IQUB: variants seen among roughly 807,000 people sequenced by gnomAD.
IQUB encodes IQ motif and ubiquitin-like domain-containing protein.
IQUB carries 86 observed loss-of-function variants against 86.4 expected under a neutral mutation model. That is an observed-to-expected ratio of 1.00 (90% confidence interval 0.84 to 1.19). The LOEUF (loss-of-function observed/expected upper bound fraction) is 1.19. IQUB is among the 50% of genes most tolerant of loss of function. IQUB has a pLI of 0.00. For missense variants in IQUB, 946 were observed against 916.9 expected, an observed-to-expected ratio of 1.03 and a Z score of -0.41; for synonymous variants, 289 against 304.5, an observed-to-expected ratio of 0.95 and a Z score of 0.53.
At position 123,464,880 on chromosome 7, in the gene IQUB, A is replaced by C; in HGVS notation, c.1711T>G (p.Tyr571Asp). Residue 571 changes from tyrosine (Y) to aspartate (D), a missense_variant, in exon 10 of 13, where the codon TAT (tyrosine) becomes GAT (aspartate). By Grantham distance (160) the Tyr-to-Asp change is radical. Coordinates refer to ENST00000324698, the MANE Select transcript of IQUB (RefSeq NM_178827.5). Reference sequence around the variant, plus strand: ...GGATTAAACAGAGGTGTTTTGATATAATGAAAAAAGAGTGTCGCAATTCTT... The same window carrying C: ...GGATTAAACAGAGGTGTTTTGATATCATGAAAAAAGAGTGTCGCAATTCTT... ...RKRIATLFFH[Y>D]IKTPLFNPEV... 1 of 1,605,496 alleles carries C rather than the reference A, an allele frequency of 6.2e-7. No individual in the cohort carries two copies. The highest frequency in any genetic ancestry group is 8.5e-7 in the Non-Finnish European group (1 of 1,176,712).
At position 123,528,307 on chromosome 7, in the gene IQUB, G is replaced by T. The variant is rs146306948; in HGVS notation, c.-5+6185C>A. Among the ~76,000 whole-genome samples the T allele has an allele frequency of 1.2e-4, 18 of 152,272 alleles. No individual in the cohort carries two copies. In the East Asian group the frequency reaches 3.5e-3, roughly 29 times the overall value. ...CGCTCACGCTGGGAGCTGTTGACCA[G>T]AGCTATTCCTATTTGGACATCTTGA... On this transcript the variant is annotated intron_variant, in intron 1 of 12. Coordinates refer to ENST00000324698, the MANE Select transcript of IQUB (RefSeq NM_178827.5).
intron 7 of IQUB, among the ~76,000 whole-genome samples, chr7:123,482,915 A>G (rs1031104452): frequency 2.0e-5 from 3 of 152,130 alleles, no homozygotes; most frequent in African/African-American, 7.2e-5. Context: ...CTCCACAGAC[A>G]TGAAAGCAAA....
At chr7:123,531,432 A>G (rs1352813392) in intron 1 of IQUB, among the ~76,000 whole-genome samples, 6 of 152,296 alleles carry the variant, frequency 3.9e-5, no homozygotes, top group African/African-American at 1.4e-4. Flanking sequence ...AAAAAACCGT[A>G]AAACATAATG....
intron 7 of IQUB, among the ~76,000 whole-genome samples, chr7:123,488,253 A>C (rs1441003943): frequency 6.6e-6 from 1 of 150,680 alleles, no homozygotes; most frequent in East Asian, 2.0e-4. Flanking sequence ...AGGCAGGAGA[A>C]TGGTGTGAAC....
intron 7 of IQUB, among the ~76,000 whole-genome samples, chr7:123,491,602 CT>C (rs1795468043): frequency 6.6e-6 from 1 of 152,094 alleles, no homozygotes; most frequent in South Asian, 2.1e-4. Flanking sequence ...TTACCAATTC[CT>C]TTAAAGACAA....
chr7:123,464,289 A>C (rs370747610), intron 10 of IQUB, among the ~76,000 whole-genome samples: 93 of 152,002 alleles, frequency 6.1e-4, no homozygotes, highest in African/African-American at 2.1e-3. Context: ...AGATAGTGTA[A>C]TTCAAATATG....
intron 1 of IQUB, among the ~76,000 whole-genome samples, chr7:123,520,741 G>A (rs1796866506): frequency 6.6e-6 from 1 of 152,074 alleles, no homozygotes; most frequent in South Asian, 2.1e-4. Flanking sequence ...GAGTCTACTG[G>A]AATCTATTGT....
At chr7:123,533,677 T>G (rs978914042) in intron 1 of IQUB, among the ~76,000 whole-genome samples, 1 of 152,202 alleles carries the variant, frequency 6.6e-6, no homozygotes, top group African/African-American at 2.4e-5. Flanking sequence ...CACACAGTCT[T>G]AAGTGTAAAA....
intron 9 of IQUB, among the ~76,000 whole-genome samples, chr7:123,468,950 G>A (rs1309791823): frequency 2.0e-5 from 3 of 152,018 alleles, no homozygotes; most frequent in Non-Finnish European, 2.9e-5. Context: ...GATTATAATT[G>A]CTGTTTATGT....
Position 123,464,888 on chromosome 7 carries a change from AAG to A in IQUB, c.1701_1702del (p.Phe569SerfsTer9), listed in dbSNP as rs1211468474. 2 of 1,606,950 alleles carry A rather than the reference AAG, an allele frequency of 1.2e-6. No individual in the cohort carries two copies. The highest frequency in any genetic ancestry group is 1.3e-5 in the African/African-American group (1 of 74,496). On this transcript the variant is annotated frameshift_variant, in exon 10 of 13. Coordinates refer to ENST00000324698, the MANE Select transcript of IQUB (RefSeq NM_178827.5). LOFTEE classifies it high-confidence loss of function. The stretch of plus-strand genomic sequence containing the variant: ...CAGAGGTGTTTTGATATAATGAAAA[AAG>A]AGTGTCGCAATTCTTTTTCTGAGTC...
At chr7:123,500,723 A>C (rs1343694814) in intron 6 of IQUB, among the ~76,000 whole-genome samples, 1 of 152,250 alleles carries the variant, frequency 6.6e-6, no homozygotes, top group East Asian at 1.9e-4. Flanking sequence ...TCTATGGGGC[A>C]AATCTATTTG....
intron 12 of IQUB, among the ~76,000 whole-genome samples, chr7:123,456,043 T>C (rs533835073): frequency 5.3e-5 from 8 of 152,262 alleles, no homozygotes; most frequent in African/African-American, 1.9e-4. Context: ...AGATATAAAC[T>C]ACTCTTTAAC....
At position 123,490,568 on chromosome 7, in the gene IQUB, A is replaced by G. The variant is rs10240606; in HGVS notation, c.1234+6128T>C. On this transcript the variant is annotated intron_variant, in intron 7 of 12. Coordinates refer to ENST00000324698, the MANE Select transcript of IQUB (RefSeq NM_178827.5). ...ATCTAATGGCCATTTATTGATCACT[A>G]CACCCAACCATAATAGAATGCAAAT... is the stretch of plus-strand genomic sequence containing the variant. Among the ~76,000 whole-genome samples the G allele has an allele frequency of 5.4e-3, 816 of 152,340 alleles. 4 individuals are homozygous for G. Among genetic ancestry groups the G allele is most frequent in the African/African-American group, 0.018 (756 of 41,572 alleles).
Position 123,452,692 on chromosome 7 carries a change from C to G in IQUB, c.*51G>C. 7.8e-7 allele frequency: 1 copy of G among 1,282,178 alleles called. No individual in the cohort carries two copies. The highest frequency in any genetic ancestry group is 1.1e-6 in the Non-Finnish European group (1 of 893,586). The allele number at this position is 1,282,178 out of a possible 1,614,324, so 79.4% of individuals were successfully genotyped here. ...CATACTCTGTGACCTCTGTATTACC[C>G]TATTAGCAGTGAACAAAATGCCGAT... On this transcript the variant is annotated 3_prime_UTR_variant, in exon 13 of 13. Transcript: ENST00000324698.
chr7:123,494,332 T>A (rs1795619711), intron 7 of IQUB, among the ~76,000 whole-genome samples: 1 of 152,128 alleles, frequency 6.6e-6, no homozygotes, highest in Non-Finnish European at 1.5e-5. Flanking sequence ...AAAGTTAAGT[T>A]TCATATTATG....
intron 3 of IQUB, among the ~76,000 whole-genome samples, 174 bp from the exon 4 acceptor site, chr7:123,503,537 T>C (rs1796045467): frequency 6.6e-6 from 1 of 152,134 alleles, no homozygotes; most frequent in African/African-American, 2.4e-5. Flanking sequence ...GTCCATTACC[T>C]CATATACTTA....
chr7:123,527,670 G>A (rs1490603306), intron 1 of IQUB, among the ~76,000 whole-genome samples: 7 of 152,306 alleles, frequency 4.6e-5, no homozygotes, highest in African/African-American at 7.2e-5. Context: ...CAGTCTGCCC[G>A]TTCTCAGATC....
intron 7 of IQUB, among the ~76,000 whole-genome samples, chr7:123,486,524 T>C (rs1476454334): frequency 6.6e-6 from 1 of 152,196 alleles, no homozygotes; most frequent in East Asian, 1.9e-4. Context: ...AAGTAGCTGG[T>C]TTGTAGCATA....
In IQUB at chr7:123,452,287, A is replaced by G. The variant is rs1793456049; in HGVS notation, c.*456T>C. The G allele has an allele frequency of 6.6e-6, 1 of 152,254 alleles. No homozygotes were observed. Among genetic ancestry groups the G allele is most frequent in the Admixed American group, 6.5e-5 (1 of 15,280 alleles). 9.4% of individuals were successfully genotyped at this position (152,254 alleles called of 1,614,324 possible). A position where few individuals can be genotyped will look rare whatever the true frequency, so the allele number is the denominator to read the frequency against. On this transcript the variant is annotated 3_prime_UTR_variant, in exon 13 of 13. Coordinates refer to ENST00000324698, the MANE Select transcript of IQUB (RefSeq NM_178827.5). ...GATTCAAATGCCTATACTAAAATAT[A>G]AATTTTTTTATCCTACTTAAAGAAG...
Sources: allele counts gnomAD v4.1 joint callset (sites outside exome capture counted in the v4.1 genomes callset), GRCh38; gene constraint gnomAD v4.1.1; transcripts MANE v1.5; gene names NCBI Gene and HGNC (gene_info 2026-07-23, HGNC 2026-07-21).